Variants in SCRN1 observed in about 807,000 individuals in gnomAD.
SCRN1 encodes the protein secernin-1.
A neutral mutation model predicts 43.3 loss-of-function variants in SCRN1; 19 were observed. The ratio of observed to expected loss-of-function variants is 0.44; its 90% confidence interval spans 0.31 to 0.64. SCRN1 has a LOEUF of 0.64. Among genes scored for constraint, SCRN1 ranks in the 30% least tolerant of loss-of-function variants. SCRN1 has a pLI of 0.09. For missense variants in SCRN1, 447 were observed against 524.1 expected (o/e 0.85, Z 1.44); for synonymous variants, 183 against 188.9 (o/e 0.97, Z 0.26).
At position 29,950,360 on chromosome 7, in the gene SCRN1, C is replaced by T. The variant is rs958676267; in HGVS notation, c.341+4819G>A. Among the ~76,000 whole-genome samples the T allele has an allele frequency of 7.2e-5, 11 of 152,310 alleles. No individual in the cohort carries two copies. The highest frequency in any genetic ancestry group is 2.6e-4 in the African/African-American group (11 of 41,572). ...GGCATCAATGAGCACAGGAGGGAGG[C>T]TGGGAGGGCTGAGGGCAGCTCAGTG... On this transcript the variant is annotated intron_variant, in intron 3 of 7. Transcript: ENST00000242059. This position sits in a 1 kb window ranked among gnomAD's most constrained non-coding sequence, Gnocchi z 4.5.
At chr7:29,989,933 C>T (rs1468686493), upstream of SCRN1, 5 of 1,200,660 alleles carry the variant, frequency 4.2e-6, no homozygotes, top group Non-Finnish European at 5.2e-6. Flanking sequence ...CGGGCCGCGG[C>T]GCTGCTCACC....
intron 6 of SCRN1, among the ~76,000 whole-genome samples, chr7:29,933,393 T>A (rs1368298279): frequency 6.6e-6 from 1 of 152,198 alleles, no homozygotes; most frequent in African/African-American, 2.4e-5. Flanking sequence ...CAATCAGCTT[T>A]CCGTGGCTCC....
At position 29,920,614 on chromosome 7, in the gene SCRN1, C is replaced by A. The variant is rs1786721850; in HGVS notation, c.*3343G>T. The A allele has an allele frequency of 1.3e-5, 2 of 152,236 alleles. No homozygotes were observed. Among genetic ancestry groups the A allele is most frequent in the Admixed American group, 1.3e-4 (2 of 15,286 alleles). 9.4% of individuals were successfully genotyped at this position (152,236 alleles called of 1,614,324 possible). A position where few individuals can be genotyped will look rare whatever the true frequency, so the allele number is the denominator to read the frequency against. On this transcript the variant is annotated 3_prime_UTR_variant, in exon 8 of 8. Coordinates refer to ENST00000242059, the MANE Select transcript of SCRN1 (RefSeq NM_014766.5). ...TTCCTTCCTAAGGCTGAGAGCTCAACTGAAGACCTTCCCCAATAAATGACA... is the reference window on the plus strand; with the variant it reads ...TTCCTTCCTAAGGCTGAGAGCTCAAATGAAGACCTTCCCCAATAAATGACA...
chr7:29,959,198 C>A (rs188867852), intron 2 of SCRN1, among the ~76,000 whole-genome samples: 1 of 152,152 alleles, frequency 6.6e-6, no homozygotes, highest in Non-Finnish European at 1.5e-5. Flanking sequence ...TTGTGCCTTT[C>A]GTACTGTACT....
intron 6 of SCRN1, 97 bp from the exon 7 acceptor site, chr7:29,926,729 C>A: frequency 3.6e-5 from 27 of 754,908 alleles, no homozygotes; most frequent in East Asian, 4.3e-5. Context: ...CCCAAGCCAA[C>A]TTATGGTGGG....
At chr7:29,980,410 T>C (rs1788960634) in intron 1 of SCRN1, among the ~76,000 whole-genome samples, 1 of 152,206 alleles carries the variant, frequency 6.6e-6, no homozygotes, top group African/African-American at 2.4e-5. Flanking sequence ...TGCTTTGAAT[T>C]ATGACCTTCC....
At chr7:29,974,828 C>T (rs1401326318) in intron 1 of SCRN1, among the ~76,000 whole-genome samples, 3 of 151,750 alleles carry the variant, frequency 2.0e-5, no homozygotes, top group East Asian at 3.9e-4. Flanking sequence ...GGATTACAGG[C>T]GCATACCACC....
intron 7 of SCRN1, among the ~76,000 whole-genome samples, chr7:29,924,500 T>C (rs2128085187): frequency 6.6e-6 from 1 of 152,306 alleles, no homozygotes; most frequent in South Asian, 2.1e-4. Context: ...TGGAGGGCCA[T>C]CCCCTTTCTC....
chr7:29,944,573 C>G (rs868386050), intron 3 of SCRN1, among the ~76,000 whole-genome samples: 1 of 149,072 alleles, frequency 6.7e-6, no homozygotes, highest in African/African-American at 2.5e-5. Context: ...TGAGGTGGTA[C>G]GATCGCTTAA....
At chr7:29,955,684 A>G (rs1463387537) in intron 2 of SCRN1, among the ~76,000 whole-genome samples, 2 of 152,178 alleles carry the variant, frequency 1.3e-5, no homozygotes, top group African/African-American at 4.8e-5. Flanking sequence ...GCATTCACCA[A>G]TATTGAACAC....
upstream of SCRN1, chr7:29,990,085 C>G (rs1789319978): frequency 3.2e-6 from 5 of 1,541,944 alleles, no homozygotes; most frequent in South Asian, 6.0e-5. Context: ...AGGAGCCAGG[C>G]CCAGCATCCT....
intron 1 of SCRN1, among the ~76,000 whole-genome samples, chr7:29,976,082 T>C (rs1227010097): frequency 6.6e-6 from 1 of 152,112 alleles, no homozygotes; most frequent in Non-Finnish European, 1.5e-5. Flanking sequence ...TGGCAGAGTA[T>C]AAAAAAATAT....
intron 1 of SCRN1, among the ~76,000 whole-genome samples, chr7:29,969,554 G>C (rs949440950): frequency 3.1e-4 from 47 of 152,166 alleles, no homozygotes; most frequent in Non-Finnish European, 7.3e-5. Context: ...CAGATACCCT[G>C]CTTTGTTGTT....
intron 7 of SCRN1, among the ~76,000 whole-genome samples, chr7:29,924,783 G>C (rs1321410848): frequency 1.3e-5 from 2 of 152,030 alleles, no homozygotes; most frequent in Non-Finnish European, 2.9e-5. Flanking sequence ...CTTTTTCTGA[G>C]ATGGTGAGTT....
intron 2 of SCRN1, among the ~76,000 whole-genome samples, chr7:29,966,622 T>A (rs951053911): frequency 6.6e-6 from 1 of 152,198 alleles, no homozygotes; most frequent in Non-Finnish European, 1.5e-5. Flanking sequence ...AATACCCATT[T>A]AAAACCTAAC....
intron 6 of SCRN1, 43 bp from the exon 7 acceptor site, chr7:29,926,675 A>T (rs769052836): frequency 6.4e-7 from 1 of 1,553,948 alleles, no homozygotes; most frequent in Non-Finnish European, 8.8e-7. Context: ...AGAGGCTGGG[A>T]CCCGGGAACA....
chr7:29,939,857 T>C (rs948102477), intron 5 of SCRN1, among the ~76,000 whole-genome samples: 1 of 151,994 alleles, frequency 6.6e-6, no homozygotes, highest in Non-Finnish European at 1.5e-5. Flanking sequence ...TGATTTAAGT[T>C]AATAACTAGG....
At position 29,920,271 on chromosome 7, in the gene SCRN1, T is replaced by TA. The variant is rs1786709932; in HGVS notation, c.*3685_*3686insT. 1.3e-5 allele frequency: 2 copies of TA among 152,576 alleles called. No individual in the cohort carries two copies. Among genetic ancestry groups the TA allele is most frequent in the Admixed American group, 6.5e-5 (1 of 15,292 alleles). 9.5% of individuals were successfully genotyped at this position (152,576 alleles called of 1,614,324 possible). ...GGAAACAGAATGATTTTCTTTTTTT[T>TA]TTATTATTATTCCCTGCCAATAGCA... On this transcript the variant is annotated 3_prime_UTR_variant, in exon 8 of 8. Transcript: ENST00000242059.
chr7:29,937,049 A>C (rs1006723871), intron 5 of SCRN1, among the ~76,000 whole-genome samples: 8 of 152,308 alleles, frequency 5.3e-5, no homozygotes, highest in East Asian at 3.9e-4. Flanking sequence ...CTGTCTCAAA[A>C]AAACAAACAA....
Sources: allele counts gnomAD v4.1 joint callset (sites outside exome capture counted in the v4.1 genomes callset), GRCh38; gene constraint gnomAD v4.1.1; non-coding constraint Gnocchi (gnomAD v3.1); transcripts MANE v1.5; gene names NCBI Gene and HGNC (gene_info 2026-07-23, HGNC 2026-07-21).